Variants in HACL1 observed in about 807,000 individuals in gnomAD.
The protein encoded by HACL1 is 1600020H07Rik.
Under a neutral mutation model 74.2 loss-of-function variants are expected in HACL1, and 64 were observed. The observed-to-expected ratio is 0.86, with a 90% CI of 0.70 to 1.06. The LOEUF is 1.06. Among genes scored for constraint, HACL1 ranks in the 50% least tolerant of loss-of-function variants. The pLI, the probability that HACL1 is intolerant of heterozygous loss-of-function variation, is 0.00. For missense variants in HACL1, 728 were observed against 719.7 expected, an observed-to-expected ratio of 1.01 and a Z score of -0.13; for synonymous variants, 230 against 238.8, an observed-to-expected ratio of 0.96 and a Z score of 0.34.
chr3:15,584,565 G>A (rs1240104475), intron 7 of HACL1, among the ~76,000 whole-genome samples: 2 of 152,028 alleles, frequency 1.3e-5, no homozygotes, highest in Admixed American at 6.5e-5. Flanking sequence ...TCCAGCCCGG[G>A]CAACAGGGAG....
chr3:15,589,165 A>T (rs1171356227), intron 5 of HACL1, among the ~76,000 whole-genome samples: 1 of 152,064 alleles, frequency 6.6e-6, no homozygotes, highest in East Asian at 1.9e-4. Context: ...TCTTCTCTCT[A>T]CCTCTTAATG....
chr3:15,566,408 C>T (rs2063434580), intron 14 of HACL1, among the ~76,000 whole-genome samples: 1 of 152,198 alleles, frequency 6.6e-6, no homozygotes, highest in African/African-American at 2.4e-5. Flanking sequence ...AATTCTAGCA[C>T]TTAGAGAGGC....
At chr3:15,592,435 GACACACGTATACATAC>G (rs1238199611) in intron 3 of HACL1, among the ~76,000 whole-genome samples, 12 of 140,372 alleles carry the variant, frequency 8.5e-5, no homozygotes, top group Admixed American at 3.5e-4. Context: ...TATGCATGTA[GACACACGTATACATAC>G]ACACACGTAT....
intron 4 of HACL1, among the ~76,000 whole-genome samples, chr3:15,591,358 G>T (rs2063889520): frequency 6.6e-6 from 1 of 151,912 alleles, no homozygotes; most frequent in Middle Eastern, 3.2e-3. Flanking sequence ...CTTTCATGTT[G>T]TACATTAGAT....
rs549306104 is a variant in HACL1, at chr3:15,586,607, A to T, written c.382-5T>A. 5.8e-6 allele frequency: 9 copies of T among 1,546,950 alleles called. No individual in the cohort carries two copies. Among genetic ancestry groups the T allele is most frequent in the Non-Finnish European group, 7.1e-6 (8 of 1,121,268 alleles). ...ATATAATCTACAAGCTTCAACCTAC[A>T]TGGAAAATGAAAATCACTTAAAATT... On this transcript the variant is annotated splice_polypyrimidine_tract_variant and splice_region_variant and intron_variant, in intron 5 of 16. Transcript: ENST00000321169.
chr3:15,592,134 G>GTATATACGTATACATGCA, intron 3 of HACL1, among the ~76,000 whole-genome samples: 1 of 122,700 alleles, frequency 8.1e-6, no homozygotes. Context: ...GTATACATAC[G>GTATATACGTATACATGCA]TGTATATATG....
chr3:15,590,025 ACT>A (rs1384930431), intron 4 of HACL1, among the ~76,000 whole-genome samples: 1 of 152,000 alleles, frequency 6.6e-6, no homozygotes, highest in Non-Finnish European at 1.5e-5. Context: ...ACAGAGCAAG[ACT>A]CTGTCTCAAA....
At chr3:15,601,283 C>T in intron 1 of HACL1, 89 bp from the exon 2 acceptor site, 6 of 1,574,050 alleles carry the variant, frequency 3.8e-6, no homozygotes, top group Non-Finnish European at 5.2e-6. Context: ...AAAGGAAAAC[C>T]CCCCGACCCC....
In HACL1 at chr3:15,582,978, C is replaced by T. The variant is rs1342858868; in HGVS notation, c.566G>A (p.Arg189His). ...VNVNSIKYME[R>H]CMSPPISMAE... Reference sequence around the variant, plus strand: ...CATGCTAATAGGAGGTGACATGCAGCGTTCCATGTACCTGGAAAAAAAGAG... The same window carrying T: ...CATGCTAATAGGAGGTGACATGCAGTGTTCCATGTACCTGGAAAAAAAGAG... Residue 189 changes from arginine (R) to histidine (H), a missense_variant, in exon 8 of 17, where the codon CGC becomes CAC. Coordinates refer to ENST00000321169, the MANE Select transcript of HACL1 (RefSeq NM_012260.4). 4 of 1,581,460 alleles carry T rather than the reference C, an allele frequency of 2.5e-6. No homozygotes were observed. The highest frequency in any genetic ancestry group is 1.1e-5 in the South Asian group (1 of 89,000).
At chr3:15,582,275 C>A (rs892813301) in intron 8 of HACL1, among the ~76,000 whole-genome samples, 6 of 152,114 alleles carry the variant, frequency 3.9e-5, no homozygotes, top group African/African-American at 7.2e-5. Context: ...CTTAAAAATA[C>A]TCATACCCTC....
intron 9 of HACL1, among the ~76,000 whole-genome samples, chr3:15,579,357 A>T (rs2063683113): frequency 6.6e-6 from 1 of 152,188 alleles, no homozygotes; most frequent in Non-Finnish European, 1.5e-5. Context: ...CCCCATCATG[A>T]AGTATAGAAA....
chr3:15,585,413 T>G (rs2063777760), intron 6 of HACL1, 71 bp from the exon 7 acceptor site: 1 of 839,682 alleles, frequency 1.2e-6, no homozygotes, highest in Admixed American at 2.2e-5. Flanking sequence ...CAAAGATAAT[T>G]TAAAACTGGA....
rs111242900 is a variant in HACL1, at chr3:15,564,671, T to C, written c.1410-13A>G. 1.3e-4 allele frequency: 142 copies of C among 1,070,580 alleles called. No homozygotes were observed. In the African/African-American group the frequency reaches 1.9e-3, roughly 14 times the overall value. The allele number at this position is 1,070,580 out of a possible 1,614,324, so 66.3% of individuals were successfully genotyped here. A position where few individuals can be genotyped will look rare whatever the true frequency, so the allele number is the denominator to read the frequency against. Reference sequence around the variant, plus strand: ...TGGCAAGTTGTACCTAAAGTGAGAGTAAAATATGAAGGAAATCATTCTTCA... The same window carrying C: ...TGGCAAGTTGTACCTAAAGTGAGAGCAAAATATGAAGGAAATCATTCTTCA... On this transcript the variant is annotated splice_polypyrimidine_tract_variant and intron_variant, in intron 14 of 16. Coordinates refer to ENST00000321169, the MANE Select transcript of HACL1 (RefSeq NM_012260.4).
In HACL1 at chr3:15,568,539, G is replaced by A. The variant is rs1429953331; in HGVS notation, c.1143C>T (p.Phe381=). ...TAGGTAGTTGTTCTTGAACATGGTAGAATACTGTGTAATAATTCATAGGCA... is the reference window on the plus strand; with the variant it reads ...TAGGTAGTTGTTCTTGAACATGGTAAAATACTGTGTAATAATTCATAGGCA... ...KSLPMNYYTV[F]YHVQEQLPRD... is the part of the protein sequence containing the mutation. The change falls in exon 13 of 17, where the codon TTC becomes TTT. Residue 381 remains phenylalanine, a synonymous_variant. Transcript: ENST00000321169. 5 of 1,583,132 alleles carry A rather than the reference G, an allele frequency of 3.2e-6. No individual in the cohort carries two copies. The highest frequency in any genetic ancestry group is 1.1e-5 in the South Asian group (1 of 89,742).
chr3:15,591,582 TA>T lies in HACL1; in HGVS notation c.308+17del. 1 of 1,451,148 alleles carries T rather than the reference TA, an allele frequency of 6.9e-7. No individual in the cohort carries two copies. Among genetic ancestry groups the T allele is most frequent in the Non-Finnish European group, 9.7e-7 (1 of 1,032,224 alleles). 89.9% of individuals were successfully genotyped at this position (1,451,148 alleles called of 1,614,324 possible). On this transcript the variant is annotated intron_variant, in intron 4 of 16. Coordinates refer to ENST00000321169, the MANE Select transcript of HACL1 (RefSeq NM_012260.4). Reference sequence around the variant, plus strand: ...GACCTTTTTAAGAAAATGTTTTCAGTAATAATAATGTCATTACCAGCAGTTC... The same window carrying T: ...GACCTTTTTAAGAAAATGTTTTCAGTATAATAATGTCATTACCAGCAGTTC...
intron 2 of HACL1, among the ~76,000 whole-genome samples, chr3:15,597,353 C>T (rs1574950489): frequency 6.6e-6 from 1 of 151,972 alleles, no homozygotes; most frequent in Non-Finnish European, 1.5e-5. Flanking sequence ...TTGAGATTTC[C>T]TTTATGGCCT....
chr3:15,592,540 A>T (rs184227847), intron 3 of HACL1, among the ~76,000 whole-genome samples: 8 of 148,270 alleles, frequency 5.4e-5, no homozygotes, highest in African/African-American at 9.9e-5. Context: ...ATGTATACAC[A>T]TGTACGCACA....
intron 15 of HACL1, 67 bp from the exon 16 acceptor site, chr3:15,563,611 T>C (rs2063384136): frequency 3.0e-6 from 3 of 1,003,970 alleles, no homozygotes; most frequent in East Asian, 2.5e-5. Flanking sequence ...AGTCATTCTC[T>C]GAAATACTTC....
At chr3:15,570,905 C>CTA (rs377505118) in intron 12 of HACL1, among the ~76,000 whole-genome samples, 5 of 151,316 alleles carry the variant, frequency 3.3e-5, no homozygotes, top group African/African-American at 1.2e-4. Flanking sequence ...CCTGAAGGAC[C>CTA]TATATCTTAA....
Sources: gnomAD v4.1 joint callset for allele counts (sites outside exome capture counted in the v4.1 genomes callset) on GRCh38, gnomAD v4.1.1 for gene constraint, MANE v1.5 for transcripts, NCBI Gene and HGNC (gene_info 2026-07-23, HGNC 2026-07-21) for gene names.